Variants in TAFA5 observed in about 807,000 individuals in gnomAD.
TAFA5 encodes TAFA chemokine like family member 5, also known as chemokine-like protein TAFA-5.
A neutral mutation model predicts 15.3 loss-of-function variants in TAFA5; 6 were observed. The observed-to-expected ratio is 0.39, with a 90% CI of 0.21 to 0.77. TAFA5 has a LOEUF of 0.77. TAFA5 is among the 30% of genes least tolerant of loss of function. The pLI, the probability that TAFA5 is intolerant of heterozygous loss-of-function variation, is 0.41. For synonymous variants in TAFA5, 103 were observed against 80.7 expected (o/e 1.28, Z -1.48); for missense variants, 161 against 193.1 (o/e 0.83, Z 0.98).
At position 48,742,920 on chromosome 22, in the gene TAFA5, C is replaced by A. The variant is rs952652631; in HGVS notation, c.391-6919C>A. Among the ~76,000 whole-genome samples, 4 of 152,170 alleles carry A rather than the reference C, an allele frequency of 2.6e-5. No individual in the cohort carries two copies. Among genetic ancestry groups the A allele is most frequent in the Non-Finnish European group, 1.5e-5 (1 of 68,008 alleles). ...GCCCACACGCGGGGCCCCCACAGTG[C>A]GGACATGTTGGGGCAATGCTGCCTG... On this transcript the variant is annotated intron_variant, in intron 3 of 3. Coordinates refer to ENST00000402357, the MANE Select transcript of TAFA5 (RefSeq NM_001082967.3). The surrounding 1 kb of genome is among the most constrained non-coding windows in gnomAD (Gnocchi z 6.2).
At position 48,693,123 on chromosome 22, in the gene TAFA5, G is replaced by A. The variant is rs541806065; in HGVS notation, c.263-14594G>A. The A allele has an allele frequency of 4.3e-5, 28 of 651,878 alleles. No individual in the cohort carries two copies. In the African/African-American group the frequency reaches 4.6e-4, roughly 11 times the overall value. 40.4% of individuals were successfully genotyped at this position (651,878 alleles called of 1,614,324 possible). A position where few individuals can be genotyped will look rare whatever the true frequency, so the allele number is the denominator to read the frequency against. On this transcript the variant is annotated intron_variant, in intron 2 of 3. Coordinates refer to ENST00000402357, the MANE Select transcript of TAFA5 (RefSeq NM_001082967.3). Reference sequence around the variant, plus strand: ...TGTCCGCCCACTCGGATTCCCAGTAGCTGAGCGCAGGACGTGACCTCGAGT... The same window carrying A: ...TGTCCGCCCACTCGGATTCCCAGTAACTGAGCGCAGGACGTGACCTCGAGT...
At position 48,699,697 on chromosome 22, in the gene TAFA5, T is replaced by C. The variant is rs368136140; in HGVS notation, c.263-8020T>C. On this transcript the variant is annotated intron_variant, in intron 2 of 3. Coordinates refer to ENST00000402357, the MANE Select transcript of TAFA5 (RefSeq NM_001082967.3). ...CCTGATAACTTGCCTAAGATGTCTC[T>C]TTCGGGTGAAGACAAGCTTTGCCTT... is the stretch of plus-strand genomic sequence containing the variant. 9.2e-5 allele frequency among the ~76,000 whole-genome samples: 14 copies of C among 152,366 alleles called. No homozygotes were observed. The East Asian group carries it at 2.3e-3, about 25-fold the overall frequency.
At chr22:48,583,288 TACAC>T (rs1924164136) in intron 1 of TAFA5, among the ~76,000 whole-genome samples, 1 of 99,378 alleles carries the variant, frequency 1.0e-5, no homozygotes, top group Non-Finnish European at 2.0e-5. Flanking sequence ...ACACACAAAA[TACAC>T]CACACACCAC....
In TAFA5 at chr22:48,520,122, T is replaced by G. The variant is rs188181849; in HGVS notation, c.112+30418T>G. ...ACGGGCCTGCTAGCCGAGGAGCCGC[T>G]GGGTGGCCAGCCACGCTGGAAGCTG... On this transcript the variant is annotated intron_variant, in intron 1 of 3. Coordinates refer to ENST00000402357, the MANE Select transcript of TAFA5 (RefSeq NM_001082967.3). Among the ~76,000 whole-genome samples, 1,484 of 152,310 alleles carry G rather than the reference T, an allele frequency of 9.7e-3. 23 individuals carry two copies. Among genetic ancestry groups the G allele is most frequent in the African/African-American group, 0.034 (1,421 of 41,564 alleles).
chr22:48,659,643 T>C (rs968503771), intron 2 of TAFA5, among the ~76,000 whole-genome samples: 1 of 152,152 alleles, frequency 6.6e-6, no homozygotes, highest in African/African-American at 2.4e-5. Flanking sequence ...GTTCTCGCCC[T>C]GTCCTGGTTT....
chr22:48,493,527 G>A (rs1363550339), intron 1 of TAFA5, among the ~76,000 whole-genome samples: 2 of 152,174 alleles, frequency 1.3e-5, no homozygotes, highest in African/African-American at 4.8e-5. Flanking sequence ...ATTTTGTTCT[G>A]GAGTTCTCGA....
intron 1 of TAFA5, among the ~76,000 whole-genome samples, chr22:48,587,891 G>A (rs755043726): frequency 1.3e-5 from 2 of 152,276 alleles, no homozygotes; most frequent in Admixed American, 6.5e-5. Flanking sequence ...AGGGGCTCCT[G>A]AACTTCCCAG....
chr22:48,738,468 C>A (rs1171093442), intron 3 of TAFA5, among the ~76,000 whole-genome samples: 2 of 152,124 alleles, frequency 1.3e-5, no homozygotes, highest in African/African-American at 4.8e-5. Context: ...TCGAAGGCCA[C>A]GCCTGTGCTC....
At chr22:48,672,396 T>C (rs749854568) in intron 2 of TAFA5, among the ~76,000 whole-genome samples, 2 of 152,248 alleles carry the variant, frequency 1.3e-5, no homozygotes, top group Non-Finnish European at 2.9e-5. Flanking sequence ...GTTCTTTTAT[T>C]GCCCTAAGGA....
At chr22:48,584,900 T>A (rs556780917) in intron 1 of TAFA5, among the ~76,000 whole-genome samples, 4 of 118,988 alleles carry the variant, frequency 3.4e-5, no homozygotes, top group South Asian at 2.8e-4. Context: ...AAAATACATC[T>A]CACACACACA....
chr22:48,494,903 A>G (rs1928274414), intron 1 of TAFA5, among the ~76,000 whole-genome samples: 1 of 152,158 alleles, frequency 6.6e-6, no homozygotes, highest in Admixed American at 6.5e-5. Flanking sequence ...GCGTTTACTT[A>G]TTTATTAAAA....
chr22:48,508,315 G>C (rs528800105), intron 1 of TAFA5, among the ~76,000 whole-genome samples: 1 of 152,208 alleles, frequency 6.6e-6, no homozygotes, highest in African/African-American at 2.4e-5. Flanking sequence ...GGTGCAGCCA[G>C]TCCCCTCCAG....
At chr22:48,691,529 G>A (rs1028537987) in intron 2 of TAFA5, among the ~76,000 whole-genome samples, 1 of 152,100 alleles carries the variant, frequency 6.6e-6, no homozygotes, top group Non-Finnish European at 1.5e-5. Flanking sequence ...CAGGGCAGAT[G>A]CAGCCTCGCG....
rs62224997 is a variant in TAFA5, at chr22:48,693,969, T to G, written c.263-13748T>G. Among the ~76,000 whole-genome samples, 334 of 152,276 alleles carry G rather than the reference T, an allele frequency of 2.2e-3. 1 individual carries two copies. Among genetic ancestry groups the G allele is most frequent in the Admixed American group, 3.9e-3 (60 of 15,296 alleles). ...CACCCTCCTGTCTTCTGTAGACGATTCAGCATCTCCACTGGGCTGTCGGCT... is the reference window on the plus strand; with the variant it reads ...CACCCTCCTGTCTTCTGTAGACGATGCAGCATCTCCACTGGGCTGTCGGCT... On this transcript the variant is annotated intron_variant, in intron 2 of 3. Transcript: ENST00000402357.
At chr22:48,641,896 A>G (rs940433385) in intron 1 of TAFA5, among the ~76,000 whole-genome samples, 4 of 152,184 alleles carry the variant, frequency 2.6e-5, no homozygotes, top group African/African-American at 9.7e-5. Context: ...CTTAAAAGCA[A>G]TGCAAACTCC....
chr22:48,541,529 C>A (rs1296012383), intron 1 of TAFA5, among the ~76,000 whole-genome samples: 3 of 152,216 alleles, frequency 2.0e-5, no homozygotes, highest in Non-Finnish European at 2.9e-5. Flanking sequence ...TGCTGTTTTC[C>A]TTGTCCCAGG....
intron 3 of TAFA5, among the ~76,000 whole-genome samples, chr22:48,748,641 C>A (rs890679069): frequency 6.6e-6 from 1 of 152,150 alleles, no homozygotes; most frequent in Admixed American, 6.5e-5. Context: ...GTTGGGTAGA[C>A]GAGGCTATGA....
At chr22:48,698,336 T>C (rs56307769) in intron 2 of TAFA5, among the ~76,000 whole-genome samples, 93,492 of 150,294 alleles carry the variant, frequency 0.62, 29,738 homozygotes, top group African/African-American at 0.77. Flanking sequence ...ATTAGCTGGG[T>C]GTGGTGGTGC....
At chr22:48,536,622 A>G (rs1922175782) in intron 1 of TAFA5, among the ~76,000 whole-genome samples, 1 of 152,238 alleles carries the variant, frequency 6.6e-6, no homozygotes, top group African/African-American at 2.4e-5. Flanking sequence ...CGCCTGAAGA[A>G]TTTTTAACTA....
Sources: allele counts gnomAD v4.1 joint callset (sites outside exome capture counted in the v4.1 genomes callset), GRCh38; gene constraint gnomAD v4.1.1; non-coding constraint Gnocchi (gnomAD v3.1); transcripts MANE v1.5; gene names NCBI Gene and HGNC (gene_info 2026-07-23, HGNC 2026-07-21).